Variants in ESR1 observed in about 807,000 individuals in gnomAD.
The protein encoded by ESR1 is estrogen receptor 1, also known as estrogen receptor.
ESR1 carries 12 observed loss-of-function variants against 52.7 expected under a neutral mutation model. The observed-to-expected ratio is 0.23, with a 90% CI of 0.15 to 0.37. ESR1 has a LOEUF of 0.37. Ranked by LOEUF, ESR1 falls within the 10% of genes least tolerant of loss-of-function variation. ESR1 has a pLI of 1.00. For synonymous variants in ESR1, 305 were observed against 316.8 expected (o/e 0.96, Z 0.39); for missense variants, 584 against 779.7 (o/e 0.75, Z 2.99).
At chr6:151,756,820 T>C (rs2128088479) in intron 2 of ESR1, among the ~76,000 whole-genome samples, 1 of 152,116 alleles carries the variant, frequency 6.6e-6, no homozygotes, top group Non-Finnish European at 1.5e-5. Context: ...TGAAACCCCG[T>C]CTCTATTAAA....
At chr6:151,713,857 T>G (rs190806064) in intron 2 of ESR1, among the ~76,000 whole-genome samples, 2 of 152,176 alleles carry the variant, frequency 1.3e-5, no homozygotes, top group Non-Finnish European at 2.9e-5. Flanking sequence ...TGCTCTGATC[T>G]TAGTTATTTC....
At chr6:151,783,586 T>G (rs1373397721) in intron 2 of ESR1, among the ~76,000 whole-genome samples, 1 of 152,240 alleles carries the variant, frequency 6.6e-6, no homozygotes. Context: ...ATACACCTTT[T>G]ATTTTAGAAC....
At chr6:151,672,278 T>TA (rs1203411920) in intron 1 of ESR1, among the ~76,000 whole-genome samples, 1 of 151,410 alleles carries the variant, frequency 6.6e-6, no homozygotes, top group Non-Finnish European at 1.5e-5. Context: ...ATTTGTCAAT[T>TA]AAAAAAAAGA....
At chr6:152,038,145 A>G (rs1264023934) in intron 5 of ESR1, among the ~76,000 whole-genome samples, 2 of 151,938 alleles carry the variant, frequency 1.3e-5, no homozygotes, top group Non-Finnish European at 2.9e-5. Flanking sequence ...CAAGAGTCCA[A>G]AAGCTAAAGG....
intron 1 of ESR1, among the ~76,000 whole-genome samples, chr6:151,809,684 G>A (rs1303998839): frequency 6.6e-6 from 1 of 152,204 alleles, no homozygotes; most frequent in African/African-American, 2.4e-5. Flanking sequence ...GATTCTGGGG[G>A]TATTCAGTGT....
At chr6:152,111,852 G>A (rs1313392114) in intron 6 of ESR1, among the ~76,000 whole-genome samples, 2 of 152,336 alleles carry the variant, frequency 1.3e-5, no homozygotes, top group African/African-American at 2.4e-5. Context: ...TCCAATTGGA[G>A]GGAAGGGCTG....
chr6:151,782,633 T>C (rs1367114591), intron 2 of ESR1, among the ~76,000 whole-genome samples: 1 of 152,160 alleles, frequency 6.6e-6, no homozygotes, highest in Non-Finnish European at 1.5e-5. Context: ...TATTTAAATG[T>C]GTGTGGAGGT....
intron 1 of ESR1, chr6:151,810,883 T>G (rs998875005): frequency 7.2e-5 from 11 of 152,234 alleles, no homozygotes; most frequent in African/African-American, 2.7e-4. Context: ...AAGTGGCTGG[T>G]TGTTTTTACC....
intron 4 of ESR1, among the ~76,000 whole-genome samples, chr6:151,956,312 C>T (rs972800822): frequency 6.6e-6 from 1 of 152,214 alleles, no homozygotes; most frequent in South Asian, 2.1e-4. Flanking sequence ...GAAAACACAC[C>T]AGAGAACAAA....
chr6:151,659,332 C>T (rs768472779), intron 1 of ESR1, among the ~76,000 whole-genome samples: 1 of 152,146 alleles, frequency 6.6e-6, no homozygotes, highest in Non-Finnish European at 1.5e-5. Context: ...AAGTATTGAC[C>T]ATTAGAGGAG....
chr6:151,709,369 T>C (rs2127996338), intron 2 of ESR1, among the ~76,000 whole-genome samples: 1 of 152,376 alleles, frequency 6.6e-6, no homozygotes, highest in African/African-American at 2.4e-5. Flanking sequence ...ATATTTTCTT[T>C]ATCCATTCAT....
intron 3 of ESR1, among the ~76,000 whole-genome samples, chr6:151,927,407 G>A (rs1344024334): frequency 6.6e-6 from 1 of 152,160 alleles, no homozygotes; most frequent in East Asian, 1.9e-4. Context: ...AGATTGTAGA[G>A]AATTGGCACA....
At chr6:151,892,432 G>A (rs948697117) in intron 3 of ESR1, among the ~76,000 whole-genome samples, 2 of 152,142 alleles carry the variant, frequency 1.3e-5, no homozygotes, top group African/African-American at 2.4e-5. Flanking sequence ...TGTGGAAAGT[G>A]AATCTCTTCT....
At chr6:151,980,312 C>T (rs2039871474) in intron 4 of ESR1, among the ~76,000 whole-genome samples, 1 of 152,078 alleles carries the variant, frequency 6.6e-6, no homozygotes, top group South Asian at 2.1e-4. Context: ...GTTAGAGTGT[C>T]CAAAAAATTG....
At chr6:151,911,921 A>T (rs946969796) in intron 3 of ESR1, among the ~76,000 whole-genome samples, 15 of 152,188 alleles carry the variant, frequency 9.9e-5, no homozygotes, top group Non-Finnish European at 1.2e-4. Context: ...ATTGTTGCAC[A>T]TTAATCTACT....
intron 1 of ESR1, among the ~76,000 whole-genome samples, chr6:151,693,090 TG>T (rs1779069464): frequency 6.6e-6 from 1 of 152,210 alleles, no homozygotes; most frequent in South Asian, 2.1e-4. Context: ...ATCTGCAAAG[TG>T]GGAGTACTAA....
At chr6:151,717,768 T>C (rs540171937) in intron 2 of ESR1, among the ~76,000 whole-genome samples, 17 of 152,332 alleles carry the variant, frequency 1.1e-4, no homozygotes, top group African/African-American at 4.1e-4. Flanking sequence ...ATTAATGAAA[T>C]TTAAGAATTA....
intron 2 of ESR1, among the ~76,000 whole-genome samples, chr6:151,795,216 G>A (rs1365644466): frequency 1.3e-5 from 2 of 152,154 alleles, no homozygotes; most frequent in Non-Finnish European, 2.9e-5. Context: ...GCTGGGTGTG[G>A]TGGGTCATGC....
rs1235209221 is a variant in ESR1, at chr6:151,808,112, CCG to C, written c.202_203del (p.Ala68GlnfsTer17). ...GCCTACGAGTTCAACGCCGCGGCCG[CCG>C]CCAACGCGCAGGTCTACGGTCAGAC... On this transcript the variant is annotated frameshift_variant, in exon 1 of 8. Transcript: ENST00000206249. LOFTEE classifies it high-confidence loss of function. 6.2e-7 allele frequency: 1 copy of C among 1,611,072 alleles called. No homozygotes were observed. Among genetic ancestry groups the C allele is most frequent in the Non-Finnish European group, 8.5e-7 (1 of 1,179,216 alleles).
Sources: allele counts gnomAD v4.1 joint callset (sites outside exome capture counted in the v4.1 genomes callset), GRCh38; gene constraint gnomAD v4.1.1; transcripts MANE v1.5; gene names NCBI Gene and HGNC (gene_info 2026-07-23, HGNC 2026-07-21).